LHFPL3: variants seen among roughly 807,000 people sequenced by gnomAD.
LHFPL3 encodes the protein LHFPL tetraspan subfamily member 3 protein.
In LHFPL3, 5 loss-of-function variants were observed where a neutral mutation model predicts 19.3. That is an observed-to-expected ratio of 0.26 (90% CI 0.14 to 0.54). The LOEUF (loss-of-function observed/expected upper bound fraction) is 0.54. Among genes scored for constraint, LHFPL3 ranks in the 20% least tolerant of loss-of-function variants. The pLI, the probability that LHFPL3 is intolerant of heterozygous loss-of-function variation, is 0.94. For synonymous variants in LHFPL3, 133 were observed against 126.2 expected, an observed-to-expected ratio of 1.05 and a Z score of -0.36; for missense variants, 249 against 307.4, an observed-to-expected ratio of 0.81 and a Z score of 1.42.
chr7:104,781,529 A>G (rs1794714590), intron 2 of LHFPL3, among the ~76,000 whole-genome samples: 1 of 151,798 alleles, frequency 6.6e-6, no homozygotes, highest in Non-Finnish European at 1.5e-5. Flanking sequence ...TGCATTTTGT[A>G]TTTTTCCCAA....
At chr7:104,614,324 GA>G (rs1349970930) in intron 1 of LHFPL3, among the ~76,000 whole-genome samples, 3 of 152,152 alleles carry the variant, frequency 2.0e-5, no homozygotes, top group Admixed American at 2.0e-4. Flanking sequence ...ACAAGTGTAA[GA>G]AGAGCTCTTA....
intron 2 of LHFPL3, among the ~76,000 whole-genome samples, chr7:104,771,165 C>T (rs145109250): frequency 6.6e-6 from 1 of 152,280 alleles, no homozygotes; most frequent in East Asian, 1.9e-4. Flanking sequence ...ACTTACCACG[C>T]TCTGCCAGTA....
chr7:104,365,797 A>AAAAAAAAAAAAAAG (rs1554381866), intron 1 of LHFPL3, among the ~76,000 whole-genome samples: 3 of 125,982 alleles, frequency 2.4e-5, no homozygotes, highest in African/African-American at 6.1e-5. Context: ...CAAAAAAAAA[A>AAAAAAAAAAAAAAG]AAAAAAAAGA....
At chr7:104,552,403 C>T (rs192815454) in intron 1 of LHFPL3, among the ~76,000 whole-genome samples, 9 of 152,300 alleles carry the variant, frequency 5.9e-5, no homozygotes, top group African/African-American at 1.9e-4. Flanking sequence ...TTAATTAGAG[C>T]TCAGTGGATT....
At chr7:104,884,663 A>G (rs1792117097) in intron 2 of LHFPL3, among the ~76,000 whole-genome samples, 1 of 152,224 alleles carries the variant, frequency 6.6e-6, no homozygotes, top group African/African-American at 2.4e-5. Context: ...TGAATTGTGA[A>G]GAACAAATAA....
chr7:104,789,253 C>T (rs1250070810), intron 2 of LHFPL3, among the ~76,000 whole-genome samples: 3 of 152,116 alleles, frequency 2.0e-5, no homozygotes, highest in South Asian at 2.1e-4. Context: ...CCCTCTTTCG[C>T]ACACAGACAC....
chr7:104,533,130 G>GT (rs934765102), intron 1 of LHFPL3, among the ~76,000 whole-genome samples: 1 of 152,246 alleles, frequency 6.6e-6, no homozygotes. Context: ...GCATTAAAAT[G>GT]TTTTTTGTAG....
intron 2 of LHFPL3, among the ~76,000 whole-genome samples, chr7:104,741,502 A>T (rs1162207239): frequency 1.3e-5 from 2 of 150,766 alleles, no homozygotes; most frequent in African/African-American, 2.4e-5. Flanking sequence ...AAACAAAGAA[A>T]AGTGAAACCT....
intron 1 of LHFPL3, among the ~76,000 whole-genome samples, chr7:104,594,616 A>T (rs1175785208): frequency 1.3e-5 from 2 of 152,166 alleles, no homozygotes; most frequent in African/African-American, 4.8e-5. Context: ...CTCCTAGATA[A>T]TATCCTGAAT....
At chr7:104,356,758 G>A (rs1790284527) in intron 1 of LHFPL3, among the ~76,000 whole-genome samples, 1 of 151,676 alleles carries the variant, frequency 6.6e-6, no homozygotes, top group Non-Finnish European at 1.5e-5. Flanking sequence ...ACAGTCTAGT[G>A]GGGAGGAAAT....
intron 1 of LHFPL3, among the ~76,000 whole-genome samples, chr7:104,631,482 A>G (rs1791640650): frequency 6.6e-6 from 1 of 152,120 alleles, no homozygotes; most frequent in Admixed American, 6.6e-5. Flanking sequence ...CAAGTAAAGG[A>G]TAGAGGAAGA....
At chr7:104,532,318 C>CTTTTTTTTTTTTTTTTTTTTTTTTTGTTT (rs71155504) in intron 1 of LHFPL3, among the ~76,000 whole-genome samples, 3 of 87,230 alleles carry the variant, frequency 3.4e-5, no homozygotes, top group African/African-American at 4.5e-5. Flanking sequence ...TTCTTTCTGT[C>CTTTTTTTTTTTTTTTTTTTTTTTTTGTTT]TTTTTTTTTT....
intron 1 of LHFPL3, among the ~76,000 whole-genome samples, chr7:104,494,366 T>A (rs1221251519): frequency 6.6e-6 from 1 of 152,228 alleles, no homozygotes; most frequent in Admixed American, 6.5e-5. Context: ...GCCTCTATTC[T>A]CTTATTTATT....
At chr7:104,620,137 A>C (rs1001206677) in intron 1 of LHFPL3, among the ~76,000 whole-genome samples, 6 of 152,156 alleles carry the variant, frequency 3.9e-5, no homozygotes, top group African/African-American at 1.2e-4. Context: ...GTAATATATC[A>C]AGATCATGTG....
chr7:104,735,285 C>T (rs1047568333), intron 1 of LHFPL3, among the ~76,000 whole-genome samples: 2 of 152,248 alleles, frequency 1.3e-5, no homozygotes, highest in East Asian at 1.9e-4. Context: ...TTTCTGCTGC[C>T]TTTTGTTTGG....
intron 1 of LHFPL3, among the ~76,000 whole-genome samples, chr7:104,557,784 C>A (rs1284794039): frequency 6.6e-6 from 1 of 150,948 alleles, no homozygotes; most frequent in Non-Finnish European, 1.5e-5. Context: ...CCCACTAACT[C>A]ATCATCTAGC....
chr7:104,830,297 TG>T (rs1790925857), intron 2 of LHFPL3, among the ~76,000 whole-genome samples: 1 of 151,890 alleles, frequency 6.6e-6, no homozygotes, highest in African/African-American at 2.4e-5. Flanking sequence ...TTCACTCTGA[TG>T]GTAGTTTCTT....
chr7:104,472,046 G>A (rs919313551), intron 1 of LHFPL3, among the ~76,000 whole-genome samples: 4 of 151,888 alleles, frequency 2.6e-5, no homozygotes, highest in Admixed American at 6.6e-5. Context: ...AGGGTGGGGC[G>A]TGTACCTGTA....
intron 1 of LHFPL3, among the ~76,000 whole-genome samples, chr7:104,416,351 T>C (rs983104662): frequency 5.9e-5 from 9 of 152,170 alleles, no homozygotes; most frequent in Non-Finnish European, 1.3e-4. Flanking sequence ...AACATTGAGA[T>C]AACAAATATC....
Sources: allele counts gnomAD v4.1 joint callset (sites outside exome capture counted in the v4.1 genomes callset), GRCh38; gene constraint gnomAD v4.1.1; transcripts MANE v1.5; gene names NCBI Gene and HGNC (gene_info 2026-07-23, HGNC 2026-07-21).